STXBP5L: variants seen among roughly 807,000 people sequenced by gnomAD.
STXBP5L encodes syntaxin binding protein 5L.
A neutral mutation model predicts 144.5 loss-of-function variants in STXBP5L; 65 were observed. The ratio of observed to expected loss-of-function variants is 0.45; its 90% CI spans 0.37 to 0.55. The LOEUF (loss-of-function observed/expected upper bound fraction) is 0.55. Ranked by LOEUF, STXBP5L falls within the 20% of genes least tolerant of loss-of-function variation. STXBP5L has a pLI of 0.00. For missense variants in STXBP5L, 1,298 were observed against 1,405.5 expected (o/e 0.92, Z 1.22); for synonymous variants, 505 against 469.6 (o/e 1.08, Z -0.97).
intron 5 of STXBP5L, among the ~76,000 whole-genome samples, chr3:121,098,328 G>T (rs1287007896): frequency 6.6e-6 from 1 of 152,138 alleles, no homozygotes; most frequent in African/African-American, 2.4e-5. Flanking sequence ...GAGGAGCAGA[G>T]TATCATGTGG....
At chr3:121,292,286 G>A (rs538974256) in intron 19 of STXBP5L, among the ~76,000 whole-genome samples, 10 of 152,088 alleles carry the variant, frequency 6.6e-5, no homozygotes, top group South Asian at 6.2e-4. Flanking sequence ...CAACAAACAC[G>A]TAAAAATGCT....
intron 9 of STXBP5L, among the ~76,000 whole-genome samples, chr3:121,191,443 G>T (rs1300139040): frequency 6.6e-6 from 1 of 152,204 alleles, no homozygotes; most frequent in African/African-American, 2.4e-5. Flanking sequence ...GCAGGCTGAG[G>T]CAGGAGAATC....
In STXBP5L at chr3:120,990,998, A is replaced by G. The variant is rs1942799388; in HGVS notation, c.287+35961A>G. On this transcript the variant is annotated intron_variant, in intron 3 of 26. Coordinates refer to ENST00000471454, the MANE Select transcript of STXBP5L (RefSeq NM_001308330.2). ...GACAAATGGGATCTAATTAAACTAA[A>G]GAGCTTCTGCACAGCAAAAGAAACT... 2.0e-5 allele frequency among the ~76,000 whole-genome samples: 3 copies of G among 152,342 alleles called. No homozygotes were observed. The South Asian group carries it at 6.2e-4, about 32-fold the overall frequency.
chr3:121,071,995 A>T (rs2041830972), intron 5 of STXBP5L, among the ~76,000 whole-genome samples: 1 of 152,206 alleles, frequency 6.6e-6, no homozygotes, highest in Non-Finnish European at 1.5e-5. Flanking sequence ...TGTCTGGTTC[A>T]TTCTTTTAAC....
chr3:121,185,108 C>A (rs1027753753), intron 9 of STXBP5L, among the ~76,000 whole-genome samples: 1 of 152,130 alleles, frequency 6.6e-6, no homozygotes, highest in South Asian at 2.1e-4. Flanking sequence ...CAAAAACATA[C>A]CAGATTTTAA....
At position 120,981,505 on chromosome 3, in the gene STXBP5L, C is replaced by T. The variant is rs574969804; in HGVS notation, c.287+26468C>T. Reference sequence around the variant, plus strand: ...GGGCTTTGATCTCTATATTGTGGTTCCTTTAATGAATTTTTAGTTCTAGAA... The same window carrying T: ...GGGCTTTGATCTCTATATTGTGGTTTCTTTAATGAATTTTTAGTTCTAGAA... On this transcript the variant is annotated intron_variant, in intron 3 of 26. Transcript: ENST00000471454. 3.3e-5 allele frequency among the ~76,000 whole-genome samples: 5 copies of T among 151,956 alleles called. No homozygotes were observed. The East Asian group carries it at 7.7e-4, about 24-fold the overall frequency.
chr3:121,094,252 A>AT (rs2042991547), intron 5 of STXBP5L, among the ~76,000 whole-genome samples: 1 of 152,176 alleles, frequency 6.6e-6, no homozygotes, highest in South Asian at 2.1e-4. Flanking sequence ...TATTCTGTTG[A>AT]TTTGGGGTGG....
intron 3 of STXBP5L, among the ~76,000 whole-genome samples, chr3:120,963,288 C>T (rs1401854184): frequency 1.3e-5 from 2 of 152,056 alleles, no homozygotes; most frequent in East Asian, 1.9e-4. Flanking sequence ...GTTTGATTGC[C>T]CTGGCCAGAA....
At position 121,413,202 on chromosome 3, in the gene STXBP5L, T is replaced by C; in HGVS notation, c.2993T>C (p.Leu998Pro). The C allele has an allele frequency of 6.2e-7, 1 of 1,606,862 alleles. No homozygotes were observed. Among genetic ancestry groups the C allele is most frequent in the Non-Finnish European group, 8.5e-7 (1 of 1,177,832 alleles). The change falls in exon 24 of 27, where the codon CTG becomes CCG. Residue 998 changes from leucine to proline, a missense_variant. By Grantham distance (98) the Leu-to-Pro change is moderately conservative (BLOSUM62 -3). Coordinates refer to ENST00000471454, the MANE Select transcript of STXBP5L (RefSeq NM_001308330.2). ...RPMLDVNYLP[L>P]TDMRIARTFC... Reference sequence around the variant, plus strand: ...ATGTTGGATGTTAATTATTTGCCACTGACAGACATGAGGATAGCACGAACA... The same window carrying C: ...ATGTTGGATGTTAATTATTTGCCACCGACAGACATGAGGATAGCACGAACA...
intron 20 of STXBP5L, among the ~76,000 whole-genome samples, chr3:121,321,491 C>T (rs2043968833): frequency 6.6e-6 from 1 of 152,128 alleles, no homozygotes; most frequent in Admixed American, 6.5e-5. Flanking sequence ...TATACAATAG[C>T]CACACATACA....
At chr3:121,372,752 G>A (rs925513840) in intron 20 of STXBP5L, among the ~76,000 whole-genome samples, 2 of 151,942 alleles carry the variant, frequency 1.3e-5, no homozygotes, top group Middle Eastern at 3.2e-3. Flanking sequence ...CTCTTGGTGG[G>A]AGATGTTCCC....
At chr3:120,972,524 A>G (rs773345238) in intron 3 of STXBP5L, among the ~76,000 whole-genome samples, 5 of 152,056 alleles carry the variant, frequency 3.3e-5, no homozygotes, top group African/African-American at 7.2e-5. Flanking sequence ...AACAGAGATA[A>G]TTTGACTTTC....
chr3:121,073,712 CT>C (rs1438030039), intron 5 of STXBP5L, among the ~76,000 whole-genome samples: 2 of 152,176 alleles, frequency 1.3e-5, no homozygotes, highest in Admixed American at 6.5e-5. Flanking sequence ...TTCTTCCCCC[CT>C]GCCCCCGCCC....
intron 18 of STXBP5L, among the ~76,000 whole-genome samples, chr3:121,265,307 A>T (rs1417122913): frequency 1.3e-5 from 2 of 152,170 alleles, no homozygotes; most frequent in African/African-American, 4.8e-5. Flanking sequence ...TTAGAACTCA[A>T]GATTAAGAAA....
chr3:121,393,122 T>C (rs549570140), intron 22 of STXBP5L, among the ~76,000 whole-genome samples: 1 of 152,166 alleles, frequency 6.6e-6, no homozygotes, highest in African/African-American at 2.4e-5. Context: ...ATAGCCATTC[T>C]GACTGGTATA....
At chr3:121,220,594 CAG>C (rs2048944226) in intron 10 of STXBP5L, among the ~76,000 whole-genome samples, 1 of 152,028 alleles carries the variant, frequency 6.6e-6, no homozygotes, top group Non-Finnish European at 1.5e-5. Context: ...TATGATTTCT[CAG>C]AATTTTTAAC....
intron 20 of STXBP5L, among the ~76,000 whole-genome samples, chr3:121,342,761 G>A (rs370102207): frequency 1.9e-4 from 28 of 147,272 alleles, no homozygotes; most frequent in African/African-American, 6.8e-4. Context: ...GGACATTTGG[G>A]TTGGTTCCAA....
chr3:120,949,799 C>A (rs1236986334), intron 2 of STXBP5L, among the ~76,000 whole-genome samples: 1 of 152,030 alleles, frequency 6.6e-6, no homozygotes, highest in Admixed American at 6.6e-5. Context: ...TATACCAGTA[C>A]CATGCTGTTT....
At chr3:121,338,255 A>T (rs1027305254) in intron 20 of STXBP5L, among the ~76,000 whole-genome samples, 2 of 152,154 alleles carry the variant, frequency 1.3e-5, no homozygotes, top group African/African-American at 4.8e-5. Flanking sequence ...ACAATAGATC[A>T]ACAAAACAAA....
Sources: allele counts gnomAD v4.1 joint callset (sites outside exome capture counted in the v4.1 genomes callset), GRCh38; gene constraint gnomAD v4.1.1; transcripts MANE v1.5; gene names NCBI Gene and HGNC (gene_info 2026-07-23, HGNC 2026-07-21).